Variants in HMCN1 observed in about 807,000 individuals in gnomAD.
The protein encoded by HMCN1 is hemicentin-1.
Under a neutral mutation model 625.9 loss-of-function variants are expected in HMCN1, and 321 were observed. That is an observed-to-expected ratio of 0.51 (90% CI 0.47 to 0.56). The LOEUF (loss-of-function observed/expected upper bound fraction) is 0.56, where lower values mean the gene tolerates loss of function less well. Ranked by LOEUF, HMCN1 falls within the 20% of genes least tolerant of loss-of-function variation. The pLI, the probability that HMCN1 is intolerant of heterozygous loss-of-function variation, is 0.00. For synonymous variants in HMCN1, 2,425 were observed against 2,417.6 expected (o/e 1.00, Z -0.09); for missense variants, 6,588 against 6,887.3 (o/e 0.96, Z 1.54).
chr1:185,831,657 G>A (rs2102290381), intron 1 of HMCN1, among the ~76,000 whole-genome samples: 1 of 152,172 alleles, frequency 6.6e-6, no homozygotes, highest in South Asian at 2.1e-4. Context: ...CAGTAGAGTA[G>A]TGAATGAAAA....
intron 72 of HMCN1, among the ~76,000 whole-genome samples, chr1:186,113,191 T>TA (rs1309853332): frequency 6.6e-6 from 1 of 152,222 alleles, no homozygotes; most frequent in African/African-American, 2.4e-5. Context: ...GTTCTTAGCA[T>TA]ATCATGATGT....
chr1:185,808,968 G>T (rs760168554), intron 1 of HMCN1, among the ~76,000 whole-genome samples: 18 of 152,224 alleles, frequency 1.2e-4, no homozygotes, highest in Non-Finnish European at 1.6e-4. Context: ...ACTTGTTCAA[G>T]GTTACTTTAC....
intron 1 of HMCN1, among the ~76,000 whole-genome samples, chr1:185,795,716 T>A (rs1004909147): frequency 3.9e-5 from 6 of 152,344 alleles, no homozygotes; most frequent in African/African-American, 1.4e-4. Flanking sequence ...GGTTAAAGAA[T>A]CAAGGTCTTG....
intron 55 of HMCN1, among the ~76,000 whole-genome samples, chr1:186,078,525 G>A (rs1488231832): frequency 1.3e-5 from 2 of 152,144 alleles, no homozygotes; most frequent in East Asian, 3.8e-4. Flanking sequence ...GTTCAAATGA[G>A]GTCAACCAGA....
intron 1 of HMCN1, among the ~76,000 whole-genome samples, chr1:185,842,646 C>T (rs1661551597): frequency 6.6e-6 from 1 of 151,982 alleles, no homozygotes; most frequent in African/African-American, 2.4e-5. Context: ...AGGAGGATCA[C>T]TTGATCCTTG....
intron 4 of HMCN1, among the ~76,000 whole-genome samples, chr1:185,905,799 T>A (rs553941130): frequency 6.6e-6 from 1 of 151,928 alleles, no homozygotes; most frequent in East Asian, 1.9e-4. Context: ...ATATAACTAT[T>A]GAGCCAGAAT....
At chr1:185,974,523 C>T (rs535381147) in intron 15 of HMCN1, among the ~76,000 whole-genome samples, 2 of 152,078 alleles carry the variant, frequency 1.3e-5, no homozygotes, top group Admixed American at 1.3e-4. Context: ...AGCAAACAGC[C>T]TCCTCTGTAG....
At position 186,004,222 on chromosome 1, in the gene HMCN1, G is replaced by A. The variant is rs183801527; in HGVS notation, c.4475+378G>A. 6.6e-5 allele frequency among the ~76,000 whole-genome samples: 10 copies of A among 152,274 alleles called. No homozygotes were observed. The East Asian group carries it at 1.9e-3, about 29-fold the overall frequency. On this transcript the variant is annotated intron_variant, in intron 29 of 106. Transcript: ENST00000271588. ...TGACAGCAAAATGAATACTAAGCTA[G>A]TTCTGTGTATGGGCAAAAAGGAACT...
intron 16 of HMCN1, chr1:185,978,241 T>G (rs1406500749): frequency 2.6e-5 from 10 of 382,632 alleles, no homozygotes; most frequent in Admixed American, 1.3e-4. Context: ...TTACCATTTC[T>G]TATTGCAAAT....
intron 11 of HMCN1, among the ~76,000 whole-genome samples, chr1:185,950,684 A>G (rs569165305): frequency 6.6e-6 from 1 of 151,272 alleles, no homozygotes; most frequent in South Asian, 2.1e-4. Flanking sequence ...CAGCCTAGGT[A>G]ATTTGCTGAG....
chr1:185,956,396 C>A (rs962675776), intron 11 of HMCN1, among the ~76,000 whole-genome samples: 1 of 152,146 alleles, frequency 6.6e-6, no homozygotes, highest in Non-Finnish European at 1.5e-5. Flanking sequence ...TTCCTACAAC[C>A]CCCTCCTGGA....
At chr1:186,033,064 GCACACACACACACACA>G (rs61063202) in intron 36 of HMCN1, among the ~76,000 whole-genome samples, 12 of 140,312 alleles carry the variant, frequency 8.6e-5, no homozygotes, top group African/African-American at 2.0e-4. Flanking sequence ...ATACACACAC[GCACACACACACACACA>G]CACACACACA....
chr1:185,842,612 C>T (rs1166226605), intron 1 of HMCN1, among the ~76,000 whole-genome samples: 2 of 149,706 alleles, frequency 1.3e-5, no homozygotes, highest in African/African-American at 4.9e-5. Flanking sequence ...TACCTGTGGT[C>T]CCAGCTACTT....
At chr1:185,758,305 G>T (rs958214431) in intron 1 of HMCN1, among the ~76,000 whole-genome samples, 1 of 152,072 alleles carries the variant, frequency 6.6e-6, no homozygotes, top group Non-Finnish European at 1.5e-5. Context: ...GAAGCCGGAG[G>T]ATTACAATTT....
At chr1:185,857,465 T>TTGTG (rs34112345) in intron 2 of HMCN1, among the ~76,000 whole-genome samples, 2,498 of 148,832 alleles carry the variant, frequency 0.017, 23 homozygotes, top group Middle Eastern at 0.024. Context: ...TACCTTTCAT[T>TTGTG]TGTGTGTGTG....
chr1:186,133,395 G>A (rs573318079), intron 86 of HMCN1, among the ~76,000 whole-genome samples: 4 of 152,100 alleles, frequency 2.6e-5, no homozygotes, highest in Non-Finnish European at 5.9e-5. Context: ...ATAACTAAAC[G>A]TTCTGGGTGA....
At chr1:185,999,996 A>T in intron 25 of HMCN1, 49 bp from the exon 26 acceptor site, 1 of 1,303,910 alleles carries the variant, frequency 7.7e-7, no homozygotes, top group Non-Finnish European at 1.1e-6. Flanking sequence ...ATATTTAATA[A>T]TTTCTGTTTT....
chr1:185,789,435 A>G (rs561607635), intron 1 of HMCN1, among the ~76,000 whole-genome samples: 59 of 152,336 alleles, frequency 3.9e-4, no homozygotes, highest in African/African-American at 1.4e-3. Context: ...CCTAATTACC[A>G]TATTCTCACT....
chr1:185,955,941 T>G (rs1038226674), intron 11 of HMCN1, among the ~76,000 whole-genome samples: 13 of 152,288 alleles, frequency 8.5e-5, no homozygotes, highest in African/African-American at 2.9e-4. Flanking sequence ...AGTTCTATTA[T>G]CCCTATCTAA....
Sources: gnomAD v4.1 joint callset for allele counts (sites outside exome capture counted in the v4.1 genomes callset) on GRCh38, gnomAD v4.1.1 for gene constraint, MANE v1.5 for transcripts, NCBI Gene and HGNC (gene_info 2026-07-23, HGNC 2026-07-21) for gene names.